RUFY3: variants seen among roughly 807,000 people sequenced by gnomAD.
The protein encoded by RUFY3 is protein RUFY3.
RUFY3 carries 34 observed loss-of-function variants against 84.0 expected under a neutral mutation model. That is an observed-to-expected ratio of 0.40 (90% CI 0.31 to 0.54). The LOEUF (loss-of-function observed/expected upper bound fraction) is 0.54. Ranked by LOEUF, RUFY3 falls within the 20% of genes least tolerant of loss-of-function variation. The pLI is 0.39. For synonymous variants in RUFY3, 242 were observed against 252.9 expected (o/e 0.96, Z 0.41); for missense variants, 507 against 736.8 (o/e 0.69, Z 3.61).
chr4:70,775,079 T>G (rs1727700260), intron 6 of RUFY3, 89 bp from the exon 7 acceptor site: 1 of 923,234 alleles, frequency 1.1e-6, no homozygotes, highest in Non-Finnish European at 1.7e-6. Flanking sequence ...TTTTCTCATG[T>G]TTTATGAAAA....
At chr4:70,779,341 T>G (rs1028775930) in intron 8 of RUFY3, among the ~76,000 whole-genome samples, 1 of 152,160 alleles carries the variant, frequency 6.6e-6, no homozygotes, top group Non-Finnish European at 1.5e-5. Flanking sequence ...TACAATACAC[T>G]TCCTTTTCGG....
At chr4:70,751,828 TC>T (rs1163898146) in intron 1 of RUFY3, among the ~76,000 whole-genome samples, 3 of 152,236 alleles carry the variant, frequency 2.0e-5, no homozygotes, top group Non-Finnish European at 4.4e-5. Context: ...TGTGTTTCCT[TC>T]TAAGAGTTTT....
At chr4:70,736,966 A>T (rs996818769) in intron 1 of RUFY3, among the ~76,000 whole-genome samples, 1 of 152,366 alleles carries the variant, frequency 6.6e-6, no homozygotes, top group South Asian at 2.1e-4. Flanking sequence ...AAAAATTGTT[A>T]TGTGTATAAC....
intron 15 of RUFY3, among the ~76,000 whole-genome samples, chr4:70,802,363 G>A (rs1006086633): frequency 1.4e-4 from 22 of 152,180 alleles, no homozygotes; most frequent in African/African-American, 4.8e-4. Context: ...CCCTGTAACC[G>A]AGAGCGGGCT....
chr4:70,787,025 C>T, intron 10 of RUFY3, among the ~76,000 whole-genome samples: 1 of 151,254 alleles, frequency 6.6e-6, no homozygotes, highest in East Asian at 2.0e-4. Flanking sequence ...ACAAAATTAA[C>T]CATGCTTGAT....
At chr4:70,710,850 G>T (rs1401371604) in intron 1 of RUFY3, among the ~76,000 whole-genome samples, 2 of 151,254 alleles carry the variant, frequency 1.3e-5, no homozygotes, top group Non-Finnish European at 2.9e-5. Flanking sequence ...ATCACTTGAG[G>T]TCAGGAGTTC....
chr4:70,736,781 A>G (rs1720382201), intron 1 of RUFY3, among the ~76,000 whole-genome samples: 1 of 152,162 alleles, frequency 6.6e-6, no homozygotes, highest in Non-Finnish European at 1.5e-5. Context: ...CATGTTGGCC[A>G]GGCTAGTCTC....
In RUFY3 at chr4:70,716,172, GTC is replaced by G. The variant is rs200796079; in HGVS notation, c.358+10888_358+10889del. Among the ~76,000 whole-genome samples the G allele has an allele frequency of 7.0e-3, 1,071 of 152,046 alleles. 13 individuals are homozygous for G. The highest frequency in any genetic ancestry group is 0.024 in the African/African-American group (1,014 of 41,524). On this transcript the variant is annotated intron_variant, in intron 1 of 11. Coordinates refer to the RUFY3 transcript ENST00000417478. ...TTTGTTATTGTTTTTTTGAGACGGAGTCTCTCTCTCTTGCCCAGGCTGGAGTG... is the reference window on the plus strand; with the variant it reads ...TTTGTTATTGTTTTTTTGAGACGGAGTCTCTCTCTTGCCCAGGCTGGAGTG...
chr4:70,743,105 A>C (rs955903740), intron 1 of RUFY3, among the ~76,000 whole-genome samples: 1 of 152,018 alleles, frequency 6.6e-6, no homozygotes, highest in Non-Finnish European at 1.5e-5. Flanking sequence ...ATCTCACTCC[A>C]TCGTCCAGGC....
chr4:70,711,801 C>T (rs1741026341), intron 1 of RUFY3, among the ~76,000 whole-genome samples: 1 of 152,164 alleles, frequency 6.6e-6, no homozygotes, highest in African/African-American at 2.4e-5. Flanking sequence ...GGGTCATGCC[C>T]CCGTTTCCTT....
intron 16 of RUFY3, 117 bp from the exon 17 acceptor site, chr4:70,804,231 A>G: frequency 1.4e-6 from 1 of 734,340 alleles, no homozygotes. Flanking sequence ...TAATTGGTTT[A>G]GTTTCCAGAT....
intron 17 of RUFY3, among the ~76,000 whole-genome samples, chr4:70,804,761 C>CAAA (rs1186156048): frequency 2.5e-4 from 19 of 76,846 alleles, no homozygotes; most frequent in South Asian, 8.2e-4. Context: ...ACTAAAAATA[C>CAAA]AAAAAAAAAA....
intron 10 of RUFY3, among the ~76,000 whole-genome samples, chr4:70,786,288 A>G (rs1216668976): frequency 1.3e-5 from 2 of 152,194 alleles, no homozygotes; most frequent in African/African-American, 4.8e-5. Flanking sequence ...GTACAAAGCT[A>G]TAGTTAGATA....
At chr4:70,734,063 C>A (rs1397848280) in intron 1 of RUFY3, among the ~76,000 whole-genome samples, 1 of 152,126 alleles carries the variant, frequency 6.6e-6, no homozygotes, top group Non-Finnish European at 1.5e-5. Context: ...GCTTTAGATT[C>A]AATTTCCATT....
intron 4 of RUFY3, among the ~76,000 whole-genome samples, chr4:70,767,486 A>G (rs1726173127): frequency 6.6e-6 from 1 of 151,800 alleles, no homozygotes; most frequent in Non-Finnish European, 1.5e-5. Context: ...TTGCTCCCAA[A>G]TTTTGGCAAT....
At chr4:70,804,535 G>C (rs1444235343) in intron 17 of RUFY3, 119 bp downstream of exon 17, 9 of 697,880 alleles carry the variant, frequency 1.3e-5, no homozygotes, top group Non-Finnish European at 2.1e-5. Flanking sequence ...CAGAGTGCTG[G>C]GAGTGGGGTG....
At chr4:70,726,078 G>A (rs953827183) in intron 1 of RUFY3, among the ~76,000 whole-genome samples, 2 of 152,150 alleles carry the variant, frequency 1.3e-5, no homozygotes, top group African/African-American at 4.8e-5. Flanking sequence ...AAGCTCTCAG[G>A]GACCCCTAAC....
chr4:70,803,652 T>A (rs561423008), intron 16 of RUFY3, among the ~76,000 whole-genome samples: 5 of 152,108 alleles, frequency 3.3e-5, no homozygotes, highest in African/African-American at 7.2e-5. Flanking sequence ...GCTCAAGTGA[T>A]CTTCCCGCCT....
At chr4:70,789,998 C>T (rs1216237323) in intron 12 of RUFY3, 10 of 580,546 alleles carry the variant, frequency 1.7e-5, no homozygotes, top group Admixed American at 6.2e-5. Context: ...TATAGAGGCA[C>T]TGAGAGATAG....
Sources: gnomAD v4.1 joint callset for allele counts (sites outside exome capture counted in the v4.1 genomes callset) on GRCh38, gnomAD v4.1.1 for gene constraint, MANE v1.5 for transcripts, NCBI Gene and HGNC (gene_info 2026-07-23, HGNC 2026-07-21) for gene names.